Variants in COL5A3 observed in about 807,000 individuals in gnomAD.
COL5A3 encodes the protein collagen type V alpha 3 chain.
COL5A3 carries 172 observed loss-of-function variants against 250.0 expected under a neutral mutation model. The observed-to-expected ratio is 0.69, with a 90% CI of 0.61 to 0.78. COL5A3 has a LOEUF of 0.78. Ranked by LOEUF, COL5A3 falls within the 30% of genes least tolerant of loss-of-function variation. The pLI, the probability that COL5A3 is intolerant of heterozygous loss-of-function variation, is 0.00. For synonymous variants in COL5A3, 937 were observed against 900.4 expected (o/e 1.04, Z -0.73); for missense variants, 2,340 against 2,334.4 (o/e 1.00, Z -0.05).
rs2087406637 is a variant in COL5A3, at chr19:10,004,206, C to A, written c.595-61G>T. On this transcript the variant is annotated intron_variant, in intron 4 of 66. Transcript: ENST00000264828. The stretch of plus-strand genomic sequence containing the variant: ...CCATACAGCCATAGGCTTACTCTGA[C>A]CCCCTAACCCCCAGCAGTCCTGCCC... The A allele has an allele frequency of 2.4e-6, 3 of 1,251,476 alleles. No homozygotes were observed. In the Admixed American group the frequency reaches 5.3e-5, roughly 22 times the overall value. 77.5% of individuals were successfully genotyped at this position (1,251,476 alleles called of 1,614,324 possible).
chr19:9,996,857 G>T, intron 11 of COL5A3, 168 bp from the exon 12 acceptor site: 2 of 592,836 alleles, frequency 3.4e-6, no homozygotes, highest in Admixed American at 3.4e-5. Flanking sequence ...GAAGTAGAGA[G>T]AAGTGGAAAG....
intron 64 of COL5A3, among the ~76,000 whole-genome samples, chr19:9,964,321 C>T (rs144207898): frequency 4.0e-5 from 6 of 151,812 alleles, no homozygotes; most frequent in Admixed American, 3.3e-4. Flanking sequence ...TAGAATAGAC[C>T]GGGTGTGGTG....
chr19:9,972,337 C>CCATT (rs772094559), intron 51 of COL5A3, among the ~76,000 whole-genome samples: 112 of 152,122 alleles, frequency 7.4e-4, no homozygotes, highest in Non-Finnish European at 1.4e-3. Context: ...ACTCGTTCAT[C>CCATT]CATTCACTCA....
intron 54 of COL5A3, 82 bp downstream of exon 54, chr19:9,970,521 GGGTCTGTGGGGTGAGTTGA>G (rs2086829334): frequency 6.3e-6 from 4 of 637,606 alleles, no homozygotes; most frequent in Non-Finnish European, 2.4e-6. Context: ...TGGGTGTGTG[GGGTCTGTGGGGTGAGTTGA>G]GGGCTGTGGG....
intron 28 of COL5A3, 31 bp from the exon 29 acceptor site, chr19:9,986,637 G>A: frequency 1.2e-6 from 2 of 1,613,722 alleles, no homozygotes; most frequent in African/African-American, 1.3e-5. Flanking sequence ...CCAGAAGTGA[G>A]GGCCTCGGGG....
intron 12 of COL5A3, 27 bp from the exon 13 acceptor site, chr19:9,996,543 GCCC>G: frequency 6.2e-7 from 1 of 1,613,062 alleles, no homozygotes; most frequent in Non-Finnish European, 8.5e-7. Context: ...GGTGAGGGAA[GCCC>G]CCAGGAGAGG....
chr19:10,007,830 TCTC>T (rs2087464857), intron 1 of COL5A3, among the ~76,000 whole-genome samples: 1 of 151,992 alleles, frequency 6.6e-6, no homozygotes, highest in African/African-American at 2.4e-5. Flanking sequence ...TTGCCTCCAA[TCTC>T]CTTCTCTCCC....
rs1469304570 is a variant in COL5A3 at position 9,977,301 on chromosome 19, G to A, written c.3235-19C>T. 8.1e-6 allele frequency: 13 copies of A among 1,613,898 alleles called. No homozygotes were observed. Among genetic ancestry groups the A allele is most frequent in the Non-Finnish European group, 1.1e-5 (13 of 1,179,914 alleles). ...CATCCCCCTGCAGAGGAAATGGGAT[G>A]AAGGACCCAGCTTCCATTCACCCCC... On this transcript the variant is annotated intron_variant, in intron 43 of 66. Transcript: ENST00000264828.
chr19:9,969,796 C>T (rs546124225), intron 55 of COL5A3, 73 bp downstream of exon 55: 1 of 1,589,410 alleles, frequency 6.3e-7, no homozygotes, highest in East Asian at 2.2e-5. Context: ...GGTCATAGGT[C>T]CACCCTCTCC....
intron 57 of COL5A3, 80 bp downstream of exon 57, chr19:9,969,269 C>T (rs946541377): frequency 2.4e-6 from 3 of 1,263,284 alleles, no homozygotes; most frequent in South Asian, 1.4e-5. Context: ...GGCTAGCCTG[C>T]ACCAATGCTC....
At chr19:9,961,692 G>C (rs550244699) in intron 65 of COL5A3, among the ~76,000 whole-genome samples, 2 of 151,660 alleles carry the variant, frequency 1.3e-5, no homozygotes, top group Non-Finnish European at 2.9e-5. Context: ...CCAAGTAACT[G>C]GGACTACGGG....
rs756447040 is a variant in COL5A3, at chr19:9,989,535, G to A, written c.1993-13C>T. 3.1e-6 allele frequency: 5 copies of A among 1,608,008 alleles called. No homozygotes were observed. The South Asian group carries it at 5.6e-5, about 18-fold the overall frequency. ...TTCCAGGGGGACCCTGAAAGAAGAT[G>A]AACAGCAGGGGAGAGACAGAGGTGC... is the stretch of plus-strand genomic sequence containing the variant. On this transcript the variant is annotated splice_polypyrimidine_tract_variant and intron_variant, in intron 24 of 66. Transcript: ENST00000264828.
Position 10,009,309 on chromosome 19 carries a change from C to T in COL5A3, c.88+989G>A, listed in dbSNP as rs1047814599. The stretch of plus-strand genomic sequence containing the variant: ...TCCAACACTTGAGAAGCTACGCCAT[C>T]CCCTGACTCCCGAAGCGCCCCCCAC... On this transcript the variant is annotated intron_variant, in intron 1 of 66. Transcript: ENST00000264828. The surrounding 1 kb of genome is among the most constrained non-coding windows in gnomAD (Gnocchi z 4.4). Among the ~76,000 whole-genome samples the T allele has an allele frequency of 6.6e-6, 1 of 151,986 alleles. No individual in the cohort carries two copies. Among genetic ancestry groups the T allele is most frequent in the South Asian group, 2.1e-4 (1 of 4,816 alleles).
In COL5A3 at chr19:9,973,552, C is replaced by T. The variant is rs745451221; in HGVS notation, c.3666+18G>A. The T allele has an allele frequency of 6.2e-7, 1 of 1,608,202 alleles. No individual in the cohort carries two copies. The highest frequency in any genetic ancestry group is 8.5e-7 in the Non-Finnish European group (1 of 1,177,294). On this transcript the variant is annotated intron_variant, in intron 50 of 66. Coordinates refer to ENST00000264828, the MANE Select transcript of COL5A3 (RefSeq NM_015719.4). ...TTCCCTGAGTTGGGTGCAGGGACCACATCACACAGTCACTCACCGGGATGC... is the reference window on the plus strand; with the variant it reads ...TTCCCTGAGTTGGGTGCAGGGACCATATCACACAGTCACTCACCGGGATGC...
chr19:10,003,785 G>C, intron 5 of COL5A3, 71 bp from the exon 6 acceptor site: 3 of 1,590,750 alleles, frequency 1.9e-6, no homozygotes, highest in Admixed American at 1.7e-5. Flanking sequence ...GTCACCTGGG[G>C]TGAGGCTGGC....
rs3815745 is a variant in COL5A3, at chr19:9,974,378, G to A, written c.3373C>T (p.Pro1125Ser). The change falls in exon 46 of 67, where the codon CCC (proline) becomes TCC (serine). Residue 1125 changes from proline to serine, a missense_variant. This residue lies in a region of COL5A3 where 1,179 missense variants were observed against 1,162.6 expected (regional missense o/e 1.01). Transcript: ENST00000264828. ...GADGAQGRRG[P>S]PGLFGQKGDD... The stretch of plus-strand genomic sequence containing the variant: ...CCTTTCTGCCCAAAGAGGCCTGGGG[G>A]TCCCCGGCGCCCCTGAGCCCCGTCT... The A allele has an allele frequency of 0.21, 336,309 of 1,609,044 alleles. 36,619 individuals are homozygous for A. Among genetic ancestry groups the A allele is most frequent in the Non-Finnish European group, 0.22 (263,222 of 1,177,780 alleles).
intron 8 of COL5A3, among the ~76,000 whole-genome samples, chr19:9,999,530 T>C (rs1321740423): frequency 6.8e-6 from 1 of 146,948 alleles, no homozygotes; most frequent in Non-Finnish European, 1.5e-5. Flanking sequence ...TGCAGTGGCG[T>C]GGTCTCGGCT....
Position 9,999,609 on chromosome 19 carries a change from C to T in COL5A3, c.1111-1460G>A, listed in dbSNP as rs1458843622. ...CCTCCCGAGAAGCTGGGACTACAGG[C>T]GCCCGCCACCACGCCCAGCTAATTT... On this transcript the variant is annotated intron_variant, in intron 8 of 66. Coordinates refer to ENST00000264828, the MANE Select transcript of COL5A3 (RefSeq NM_015719.4). Among the ~76,000 whole-genome samples the T allele has an allele frequency of 4.0e-5, 6 of 149,422 alleles. 1 individual carries two copies. The South Asian group carries it at 8.5e-4, about 21-fold the overall frequency.
chr19:9,993,478 G>T (rs2277964), intron 18 of COL5A3, 45 bp from the exon 19 acceptor site: 325,941 of 1,605,338 alleles, frequency 0.2, 34,971 homozygotes, highest in Non-Finnish European at 0.22. Context: ...GGGTGTGGGC[G>T]GAGAGACCAG....
Sources: gnomAD v4.1 joint callset for allele counts (sites outside exome capture counted in the v4.1 genomes callset) on GRCh38, gnomAD v4.1.1 for gene constraint, gnomAD v4.1.1 regional missense constraint, Gnocchi (gnomAD v3.1) non-coding constraint, MANE v1.5 for transcripts, NCBI Gene and HGNC (gene_info 2026-07-23, HGNC 2026-07-21) for gene names.